Variants in GALNT17 observed in about 807,000 individuals in gnomAD.
The protein encoded by GALNT17 is UDP-GalNAc:polypeptide N-acetylgalactosaminyltransferase-like 3.
A neutral mutation model predicts 63.7 loss-of-function variants in GALNT17; 29 were observed. The ratio of observed to expected loss-of-function variants is 0.46; its 90% CI spans 0.34 to 0.62. GALNT17 has a LOEUF of 0.62. Ranked by LOEUF, GALNT17 falls within the 20% of genes least tolerant of loss-of-function variation. The pLI, the probability that GALNT17 is intolerant of heterozygous loss-of-function variation, is 0.01. For missense variants in GALNT17, 603 were observed against 799.6 expected (o/e 0.75, Z 2.97); for synonymous variants, 305 against 318.3 (o/e 0.96, Z 0.45).
intron 1 of GALNT17, among the ~76,000 whole-genome samples, chr7:71,265,118 A>ATATATATATATATATT (rs1390488895): frequency 2.7e-5 from 1 of 37,454 alleles, no homozygotes; most frequent in African/African-American, 6.9e-5. Flanking sequence ...ATATATATAT[A>ATATATATATATATATT]TTTTTTTTTT....
At chr7:71,439,943 C>CTTTTT (rs370145707) in intron 5 of GALNT17, among the ~76,000 whole-genome samples, 1 of 123,412 alleles carries the variant, frequency 8.1e-6, no homozygotes, top group Non-Finnish European at 1.7e-5. Flanking sequence ...TCCAGGCCCT[C>CTTTTT]TTTTTTTTTT....
chr7:71,701,148 G>A (rs1351403048), intron 9 of GALNT17, among the ~76,000 whole-genome samples: 1 of 152,070 alleles, frequency 6.6e-6, no homozygotes, highest in Non-Finnish European at 1.5e-5. Context: ...GTAAGGGGTG[G>A]ATGTGAAATT....
intron 5 of GALNT17, among the ~76,000 whole-genome samples, chr7:71,506,234 G>C (rs779112065): frequency 6.8e-6 from 1 of 147,304 alleles, no homozygotes; most frequent in Non-Finnish European, 1.5e-5. Context: ...CACTAGCTGG[G>C]GCATAGAAGG....
At chr7:71,359,831 G>A (rs1792365489) in intron 2 of GALNT17, among the ~76,000 whole-genome samples, 5 of 152,068 alleles carry the variant, frequency 3.3e-5, no homozygotes, top group Admixed American at 3.3e-4. Flanking sequence ...TGATCCACCT[G>A]CCTGAAATGA....
chr7:71,424,717 CCTTCTG>C (rs1786727310), intron 5 of GALNT17, among the ~76,000 whole-genome samples: 1 of 152,100 alleles, frequency 6.6e-6, no homozygotes, highest in Non-Finnish European at 1.5e-5. Flanking sequence ...TTTTTATGGT[CCTTCTG>C]AAATTATTAA....
intron 5 of GALNT17, among the ~76,000 whole-genome samples, chr7:71,524,089 G>A (rs1788575575): frequency 6.6e-6 from 1 of 151,292 alleles, no homozygotes; most frequent in Non-Finnish European, 1.5e-5. Context: ...TTGCGCTTCA[G>A]CCTGGTGACA....
chr7:71,401,739 C>T (rs1231867133), intron 3 of GALNT17, among the ~76,000 whole-genome samples: 1 of 152,162 alleles, frequency 6.6e-6, no homozygotes, highest in South Asian at 2.1e-4. Context: ...TATGATCTGT[C>T]ACTGTGTCCC....
intron 5 of GALNT17, among the ~76,000 whole-genome samples, chr7:71,430,561 G>C (rs1003818076): frequency 1.3e-5 from 2 of 152,166 alleles, no homozygotes; most frequent in African/African-American, 2.4e-5. Context: ...CTGTATGTTA[G>C]GTGGTCCTAT....
At chr7:71,160,986 A>G (rs1234792129) in intron 1 of GALNT17, among the ~76,000 whole-genome samples, 43 of 151,942 alleles carry the variant, frequency 2.8e-4, no homozygotes, top group Admixed American at 2.8e-3. Flanking sequence ...GGTGCATGCC[A>G]CTATGCCTGG....
chr7:71,296,367 A>G (rs1791078955), intron 1 of GALNT17, among the ~76,000 whole-genome samples: 1 of 152,122 alleles, frequency 6.6e-6, no homozygotes, highest in African/African-American at 2.4e-5. Context: ...TAATCCCAGC[A>G]CTTTGGGAGG....
chr7:71,658,744 C>T (rs910354479), intron 6 of GALNT17, among the ~76,000 whole-genome samples: 22 of 152,092 alleles, frequency 1.4e-4, no homozygotes, highest in Non-Finnish European at 5.9e-5. Flanking sequence ...AACAATTAGC[C>T]GTCCACGGTG....
chr7:71,141,360 G>A (rs570674012), intron 1 of GALNT17, among the ~76,000 whole-genome samples: 5 of 150,538 alleles, frequency 3.3e-5, no homozygotes, highest in African/African-American at 1.2e-4. Context: ...GGGCGACAGA[G>A]CAAGACTGTC....
chr7:71,416,231 G>A (rs1793524317), intron 4 of GALNT17, among the ~76,000 whole-genome samples, 168 bp downstream of exon 4: 1 of 152,182 alleles, frequency 6.6e-6, no homozygotes, highest in South Asian at 2.1e-4. Flanking sequence ...TAAAGCTAGG[G>A]AGCAGGGAGA....
chr7:71,305,462 G>A (rs1276961212), intron 1 of GALNT17, among the ~76,000 whole-genome samples: 3 of 152,208 alleles, frequency 2.0e-5, no homozygotes, highest in Non-Finnish European at 2.9e-5. Flanking sequence ...TGGGATGGCA[G>A]ATTCAGTCCC....
At chr7:71,188,419 G>A (rs558281867) in intron 1 of GALNT17, among the ~76,000 whole-genome samples, 10 of 152,192 alleles carry the variant, frequency 6.6e-5, no homozygotes, top group African/African-American at 1.9e-4. Flanking sequence ...TGATTATGGC[G>A]ATTCTTGCGG....
intron 3 of GALNT17, among the ~76,000 whole-genome samples, chr7:71,390,429 T>C (rs1793029601): frequency 6.6e-6 from 1 of 152,080 alleles, no homozygotes; most frequent in Non-Finnish European, 1.5e-5. Flanking sequence ...AGATGGGTCA[T>C]TTGTTGGATT....
intron 1 of GALNT17, among the ~76,000 whole-genome samples, chr7:71,314,487 G>T (rs1791466201): frequency 6.6e-6 from 1 of 152,118 alleles, no homozygotes; most frequent in Non-Finnish European, 1.5e-5. Flanking sequence ...GACCCAAAAA[G>T]GCCACTCCAA....
rs148445161 is a variant in GALNT17, at chr7:71,550,281, T to C, written c.963-21004T>C. On this transcript the variant is annotated intron_variant, in intron 5 of 10. Transcript: ENST00000333538. ...TTATTGACCTGTATATAAATAAATA[T>C]TGGGTCATACATAGCTATGATTGTG... 2.5e-3 allele frequency among the ~76,000 whole-genome samples: 387 copies of C among 152,248 alleles called. 2 individuals carry two copies. The highest frequency in any genetic ancestry group is 5.2e-3 in the Admixed American group (79 of 15,280).
intron 5 of GALNT17, among the ~76,000 whole-genome samples, chr7:71,492,720 T>C (rs1430446017): frequency 1.3e-5 from 2 of 152,346 alleles, no homozygotes; most frequent in African/African-American, 2.4e-5. Flanking sequence ...CAGTACACTT[T>C]CGTAGAACCG....
Sources: gnomAD v4.1 joint callset for allele counts (sites outside exome capture counted in the v4.1 genomes callset) on GRCh38, gnomAD v4.1.1 for gene constraint, MANE v1.5 for transcripts, NCBI Gene and HGNC (gene_info 2026-07-23, HGNC 2026-07-21) for gene names.